Variants in OSBPL8 observed in about 807,000 individuals in gnomAD.
OSBPL8 encodes the protein oxysterol binding protein like 8.
Under a neutral mutation model 125.5 loss-of-function variants are expected in OSBPL8, and 59 were observed. The observed-to-expected ratio is 0.47, with a 90% CI of 0.38 to 0.58. OSBPL8 has a LOEUF of 0.58. Ranked by LOEUF, OSBPL8 falls within the 20% of genes least tolerant of loss-of-function variation. The pLI is 0.00. For missense variants in OSBPL8, 758 were observed against 1,047.8 expected (o/e 0.72, Z 3.82); for synonymous variants, 330 against 338.9 (o/e 0.97, Z 0.29).
chr12:76,451,037 A>G lies in OSBPL8; in HGVS notation c.80-49T>C, dbSNP rs565733735. On this transcript the variant is annotated intron_variant, in intron 3 of 23. Transcript: ENST00000261183. ...ATTAGTACTGAAGTCACAGATTTAC[A>G]TAATAGTATAGTTAATAACATGGAA... The G allele has an allele frequency of 1.9e-4, 297 of 1,573,554 alleles. 4 individuals are homozygous for G. The South Asian group carries it at 3.0e-3, about 16-fold the overall frequency.
intron 4 of OSBPL8, 72 bp from the exon 5 acceptor site, chr12:76,410,706 T>A: frequency 9.5e-7 from 1 of 1,051,252 alleles, no homozygotes. Flanking sequence ...TTTTCAAGTA[T>A]AGACTATATT....
chr12:76,356,563 T>A, intron 23 of OSBPL8, 63 bp downstream of exon 23: 2 of 1,010,732 alleles, frequency 2.0e-6, no homozygotes, highest in South Asian at 1.5e-5. Flanking sequence ...TGATTTCCCA[T>A]ATAACAGGAT....
Position 76,371,593 on chromosome 12 carries a change from A to T in OSBPL8, c.1918-9T>A, listed in dbSNP as rs190664925. The stretch of plus-strand genomic sequence containing the variant: ...ATAAAAACTTCACTATCCTATATTT[A>T]AAAAAATTCAAAATTAATGTAAAGA... On this transcript the variant is annotated splice_polypyrimidine_tract_variant and intron_variant, in intron 18 of 23. Transcript: ENST00000261183. 5.6e-4 allele frequency: 861 copies of T among 1,542,214 alleles called. 5 individuals carry two copies. In the African/African-American group the frequency reaches 9.3e-3, roughly 17 times the overall value.
intron 9 of OSBPL8, 51 bp downstream of exon 9, chr12:76,394,594 A>G (rs746299959): frequency 1.5e-6 from 2 of 1,376,082 alleles, no homozygotes; most frequent in East Asian, 4.6e-5. Flanking sequence ...GGCATTAAAA[A>G]AACTCTTAAA....
intron 1 of OSBPL8, among the ~76,000 whole-genome samples, chr12:76,527,769 A>C (rs1032540349): frequency 1.3e-5 from 2 of 152,194 alleles, no homozygotes; most frequent in Admixed American, 6.5e-5. Context: ...GGGAACCCAA[A>C]TATTTTATAA....
At chr12:76,503,484 A>G (rs1880106538) in intron 1 of OSBPL8, among the ~76,000 whole-genome samples, 1 of 152,224 alleles carries the variant, frequency 6.6e-6, no homozygotes, top group African/African-American at 2.4e-5. Flanking sequence ...GAGGTGCTGG[A>G]AGTTCAAACT....
chr12:76,408,286 CCT>C (rs1194493630), intron 5 of OSBPL8, among the ~76,000 whole-genome samples: 1 of 150,972 alleles, frequency 6.6e-6, no homozygotes, highest in African/African-American at 2.4e-5. Flanking sequence ...ACGGTGAAAC[CCT>C]GTCTCTACTA....
At chr12:76,409,840 CAG>C (rs981026022) in intron 5 of OSBPL8, among the ~76,000 whole-genome samples, 2 of 152,106 alleles carry the variant, frequency 1.3e-5, no homozygotes, top group African/African-American at 2.4e-5. Flanking sequence ...CTGAGAATAA[CAG>C]AGAATTCAGT....
chr12:76,372,341 G>T (rs561608094), intron 18 of OSBPL8, among the ~76,000 whole-genome samples: 26 of 152,104 alleles, frequency 1.7e-4, no homozygotes, highest in African/African-American at 5.8e-4. Context: ...GAGTAGCTGG[G>T]ACAGGCATGT....
At chr12:76,531,130 G>C (rs540042871) in intron 1 of OSBPL8, among the ~76,000 whole-genome samples, 1 of 152,154 alleles carries the variant, frequency 6.6e-6, no homozygotes, top group Non-Finnish European at 1.5e-5. Context: ...AGAAGGCAAA[G>C]GGGAAGCAGG....
chr12:76,497,874 C>T (rs750431563), intron 1 of OSBPL8, among the ~76,000 whole-genome samples: 21 of 152,250 alleles, frequency 1.4e-4, no homozygotes, highest in South Asian at 4.1e-4. Context: ...TAGGATTGGG[C>T]ATTTTTATAT....
intron 3 of OSBPL8, among the ~76,000 whole-genome samples, chr12:76,458,510 T>C (rs1874331189): frequency 6.6e-6 from 1 of 151,936 alleles, no homozygotes; most frequent in Non-Finnish European, 1.5e-5. Flanking sequence ...GGCAACATAG[T>C]GAGACCACAT....
intron 1 of OSBPL8, among the ~76,000 whole-genome samples, chr12:76,518,635 G>C (rs940712664): frequency 6.6e-6 from 1 of 152,232 alleles, no homozygotes. Context: ...TGGGCACCCA[G>C]GCTTTCTCAT....
chr12:76,505,178 G>C (rs1880292015), intron 1 of OSBPL8, among the ~76,000 whole-genome samples: 1 of 152,006 alleles, frequency 6.6e-6, no homozygotes, highest in South Asian at 2.1e-4. Context: ...TGATAAATTG[G>C]GTTCATCTGG....
intron 4 of OSBPL8, among the ~76,000 whole-genome samples, chr12:76,411,276 C>G (rs1336265047): frequency 6.6e-6 from 1 of 152,066 alleles, no homozygotes; most frequent in Admixed American, 6.6e-5. Flanking sequence ...ATGCATAAAC[C>G]AATTAACAAA....
chr12:76,516,399 A>G (rs1439004717), intron 1 of OSBPL8, among the ~76,000 whole-genome samples: 1 of 152,172 alleles, frequency 6.6e-6, no homozygotes, highest in East Asian at 1.9e-4. Context: ...TTCTTGTCAC[A>G]TTTTCACAAT....
In OSBPL8 at chr12:76,475,889, C is replaced by T. The variant is rs1434374860; in HGVS notation, c.42+11621G>A. Among the ~76,000 whole-genome samples, 3 of 152,258 alleles carry T rather than the reference C, an allele frequency of 2.0e-5. No homozygotes were observed. In the East Asian group the frequency reaches 5.8e-4, roughly 29 times the overall value. On this transcript the variant is annotated intron_variant, in intron 2 of 23. Coordinates refer to ENST00000261183, the MANE Select transcript of OSBPL8 (RefSeq NM_020841.5). ...CCAAACAGAGGCATTAAACACAGTC[C>T]TAAGTAAGCATTTTTGCTTTTAAAC...
chr12:76,485,858 A>G (rs571045480), intron 2 of OSBPL8, among the ~76,000 whole-genome samples: 2 of 152,330 alleles, frequency 1.3e-5, no homozygotes, highest in East Asian at 3.9e-4. Context: ...TACACTTAAA[A>G]ACAGCAACTG....
At chr12:76,475,286 T>C (rs1876667472) in intron 2 of OSBPL8, among the ~76,000 whole-genome samples, 2 of 152,188 alleles carry the variant, frequency 1.3e-5, no homozygotes, top group Non-Finnish European at 2.9e-5. Context: ...ACAATACTTT[T>C]AAAAAACCTT....
Sources: gnomAD v4.1 joint callset for allele counts (sites outside exome capture counted in the v4.1 genomes callset) on GRCh38, gnomAD v4.1.1 for gene constraint, MANE v1.5 for transcripts, NCBI Gene and HGNC (gene_info 2026-07-23, HGNC 2026-07-21) for gene names.